Variants in ZNF559 observed in about 807,000 individuals in gnomAD.
The protein encoded by ZNF559 is putative protein product of Nbla00121.
Under a neutral mutation model 14.2 loss-of-function variants are expected in ZNF559, and 17 were observed. That is an observed-to-expected ratio of 1.20 (90% CI 0.82 to 1.80). The LOEUF (loss-of-function observed/expected upper bound fraction) is 1.80. Among genes scored for constraint, ZNF559 ranks in the 40% most tolerant of loss-of-function variants. The pLI is 0.00. For missense variants in ZNF559, 740 were observed against 629.7 expected, an observed-to-expected ratio of 1.18 and a Z score of -1.88; for synonymous variants, 244 against 212.4, an observed-to-expected ratio of 1.15 and a Z score of -1.29.
In ZNF559 at chr19:9,324,694, G is replaced by T. The variant is rs1304539111; in HGVS notation, c.-205-1G>T. Reference sequence around the variant, plus strand: ...CCAGCGTTGTGCCTTTTCTCTATAAGGAACAGCATCTCTGCCTTCCTGTTC... The same window carrying T: ...CCAGCGTTGTGCCTTTTCTCTATAATGAACAGCATCTCTGCCTTCCTGTTC... On this transcript the variant is annotated splice_acceptor_variant, in intron 1 of 6. Coordinates refer to ENST00000603380, the MANE Select transcript of ZNF559 (RefSeq NM_032497.3). LOFTEE classifies it low-confidence loss of function (5UTR_SPLICE). The T allele has an allele frequency of 1.3e-6, 2 of 1,532,918 alleles. No individual in the cohort carries two copies. 95.0% of individuals were successfully genotyped at this position (1,532,918 alleles called of 1,614,324 possible).
intron 1 of ZNF559, 125 bp downstream of exon 1, chr19:9,324,353 C>T (rs2066444337): frequency 5.3e-6 from 8 of 1,514,268 alleles, no homozygotes; most frequent in Middle Eastern, 1.7e-4. Flanking sequence ...GCATTTCGAG[C>T]ATCTTGTGGG....
intron 5 of ZNF559, among the ~76,000 whole-genome samples, chr19:9,340,242 A>G (rs2122237201): frequency 6.6e-6 from 1 of 152,260 alleles, no homozygotes; most frequent in East Asian, 1.9e-4. Context: ...TTTGTGAGAA[A>G]CAGCCCTGAT....
upstream of ZNF559, chr19:9,324,126 G>A (rs1337774135): frequency 2.6e-6 from 4 of 1,528,578 alleles, no homozygotes; most frequent in Middle Eastern, 5.0e-4. Context: ...CCGAGGCCCC[G>A]CCCCCTAGGT....
In ZNF559 at chr19:9,324,713, C is replaced by G. The variant is rs751446437; in HGVS notation, c.-187C>G. 2.0e-6 allele frequency: 3 copies of G among 1,535,492 alleles called. No individual in the cohort carries two copies. Among genetic ancestry groups the G allele is most frequent in the Non-Finnish European group, 8.7e-7 (1 of 1,146,684 alleles). On this transcript the variant is annotated 5_prime_UTR_variant, in exon 2 of 7. Transcript: ENST00000603380. ...CTATAAGGAACAGCATCTCTGCCTTCCTGTTCACGGTGACCTTCGCTTGGT... is the reference window on the plus strand; with the variant it reads ...CTATAAGGAACAGCATCTCTGCCTTGCTGTTCACGGTGACCTTCGCTTGGT...
chr19:9,324,523 C>T (rs1321299513), intron 1 of ZNF559, 172 bp from the exon 2 acceptor site: 3 of 1,271,474 alleles, frequency 2.4e-6, no homozygotes, highest in East Asian at 2.5e-5. Context: ...CCCGGCGCGG[C>T]GGCTCACGCC....
At chr19:9,330,213 T>C (rs934760287) in intron 2 of ZNF559, 1 of 152,252 alleles carries the variant, frequency 6.6e-6, no homozygotes, top group Non-Finnish European at 1.5e-5. Context: ...GATTCCTTTG[T>C]ATGTAGTAAG....
chr19:9,342,800 C>G lies in ZNF559; in HGVS notation c.1349C>G (p.Ser450Trp). ...TGTGGGAAAGCCTTTAGATACTCCT[C>G]GCACCTTAGTCAACATAAAAGAATA... is the stretch of plus-strand genomic sequence containing the variant. ...EECGKAFRYS[S>W]HLSQHKRIHT... The change falls in exon 7 of 7, where the codon TCG becomes TGG. Residue 450 changes from serine (S) to tryptophan (W), a missense_variant. Coordinates refer to ENST00000603380, the MANE Select transcript of ZNF559 (RefSeq NM_032497.3). 6.2e-7 allele frequency: 1 copy of G among 1,614,014 alleles called. No homozygotes were observed.
chr19:9,339,250 C>A lies in ZNF559; in HGVS notation c.91C>A (p.Leu31Met). 1 of 1,613,820 alleles carries A rather than the reference C, an allele frequency of 6.2e-7. No homozygotes were observed. The highest frequency in any genetic ancestry group is 1.3e-5 in the African/African-American group (1 of 74,994). Residue 31 changes from leucine (L) to methionine (M), a missense_variant, in exon 5 of 7, where the codon CTG becomes ATG. Transcript: ENST00000603380. ...VDFTQEEWTL[L>M]DQTQRNLYRD... ...CTTCACCCAGGAGGAGTGGACTTTG[C>A]TGGATCAAACTCAGAGAAACTTATA...
chr19:9,333,778 T>G (rs1272429987), intron 2 of ZNF559, among the ~76,000 whole-genome samples: 1 of 118,890 alleles, frequency 8.4e-6, no homozygotes, highest in Admixed American at 1.1e-4. Context: ...ATATCCAAAA[T>G]ACATTAAGAA....
intron 2 of ZNF559, among the ~76,000 whole-genome samples, chr19:9,336,103 G>A (rs567429151): frequency 1.3e-5 from 2 of 152,232 alleles, no homozygotes; most frequent in East Asian, 1.9e-4. Flanking sequence ...AAAAAGTTGA[G>A]TGTCAACTTT....
At position 9,342,767 on chromosome 19, in the gene ZNF559, G is replaced by A; in HGVS notation, c.1316G>A (p.Cys439Tyr). Reference sequence around the variant, plus strand: ...CACAGTGCAGAAAGGCCTTTTGAATGTGAGGAATGTGGGAAAGCCTTTAGA... The same window carrying A: ...CACAGTGCAGAAAGGCCTTTTGAATATGAGGAATGTGGGAAAGCCTTTAGA... ...RSHSAERPFE[C>Y]EECGKAFRYS... The change falls in exon 7 of 7, where the codon TGT (cysteine) becomes TAT (tyrosine). Residue 439 changes from cysteine (C) to tyrosine (Y), a missense_variant. Transcript: ENST00000603380. 2 of 1,614,202 alleles carry A rather than the reference G, an allele frequency of 1.2e-6. No individual in the cohort carries two copies. The highest frequency in any genetic ancestry group is 1.3e-5 in the African/African-American group (1 of 75,060).
chr19:9,341,290 GT>G, intron 6 of ZNF559, 106 bp downstream of exon 6: 2 of 1,095,956 alleles, frequency 1.8e-6, no homozygotes, highest in Non-Finnish European at 2.8e-6. Context: ...TGAGACTAGT[GT>G]TTTTCACCCA....
In ZNF559 at chr19:9,343,256, G is replaced by A. The variant is rs1376625882; in HGVS notation, c.*188G>A. On this transcript the variant is annotated 3_prime_UTR_variant, in exon 7 of 7. Transcript: ENST00000603380. ...AATGTAAGGAATGTGGGAAAATCTT[G>A]GCTCCTTCCATAGGCCTTACTATTC... is the stretch of plus-strand genomic sequence containing the variant. 6 of 1,409,304 alleles carry A rather than the reference G, an allele frequency of 4.3e-6. No individual in the cohort carries two copies. Among genetic ancestry groups the A allele is most frequent in the Non-Finnish European group, 5.5e-6 (6 of 1,084,448 alleles). The allele number at this position is 1,409,304 out of a possible 1,614,324, so 87.3% of individuals were successfully genotyped here.
At chr19:9,324,141 C>T (rs1243370151), upstream of ZNF559, 5 of 1,535,570 alleles carry the variant, frequency 3.3e-6, no homozygotes, top group East Asian at 2.4e-5. Context: ...CTAGGTGGTC[C>T]TAGCCTTTGC....
rs763226737 is a variant in ZNF559 at position 9,339,238 on chromosome 19, G to A, written c.79G>A (p.Glu27Lys). ...TGTGGCTGTGGACTTCACCCAGGAG[G>A]AGTGGACTTTGCTGGATCAAACTCA... ...EDVAVDFTQE[E>K]WTLLDQTQRN... Residue 27 changes from glutamate to lysine, a missense_variant, in exon 5 of 7, where the codon GAG becomes AAG. Glu to Lys is a moderately conservative substitution (Grantham distance 56). Transcript: ENST00000603380. 1.9e-6 allele frequency: 3 copies of A among 1,614,040 alleles called. No individual in the cohort carries two copies. Among genetic ancestry groups the A allele is most frequent in the African/African-American group, 2.7e-5 (2 of 75,036 alleles).
intron 2 of ZNF559, 39 bp downstream of exon 2, chr19:9,324,819 G>T (rs1270985560): frequency 6.6e-7 from 1 of 1,510,454 alleles, no homozygotes; most frequent in Non-Finnish European, 8.9e-7. Flanking sequence ...GTGGGTGTCG[G>T]GTCTTGAAGT....
intron 2 of ZNF559, among the ~76,000 whole-genome samples, chr19:9,329,914 G>T (rs1046291638): frequency 6.6e-6 from 1 of 152,034 alleles, no homozygotes; most frequent in South Asian, 2.1e-4. Flanking sequence ...TCCCTGTTTC[G>T]GCCTCCCAAA....
In ZNF559 at chr19:9,342,331, G is replaced by A. The variant is rs2067621573; in HGVS notation, c.880G>A (p.Gly294Arg). The A allele has an allele frequency of 2.5e-6, 4 of 1,602,678 alleles. No homozygotes were observed. The African/African-American group carries it at 4.0e-5, about 16-fold the overall frequency. Residue 294 changes from glycine (G) to arginine (R), a missense_variant, in exon 7 of 7, where the codon GGA becomes AGA. Coordinates refer to ENST00000603380, the MANE Select transcript of ZNF559 (RefSeq NM_032497.3). Reference protein sequence around the residue: ...LAKHIRLRTRGKHYVCNECGK... With the variant: ...LAKHIRLRTRRKHYVCNECGK... ...TAAACATATAAGACTTAGAACTAGAGGAAAACACTATGTTTGTAATGAATG... is the reference window on the plus strand; with the variant it reads ...TAAACATATAAGACTTAGAACTAGAAGAAAACACTATGTTTGTAATGAATG...
At chr19:9,337,331 A>G (rs887752203) in intron 2 of ZNF559, among the ~76,000 whole-genome samples, 3 of 152,232 alleles carry the variant, frequency 2.0e-5, no homozygotes, top group Admixed American at 2.0e-4. Flanking sequence ...TAGCTCAACC[A>G]TAGAAAAATA....
Sources: gnomAD v4.1 joint callset for allele counts (sites outside exome capture counted in the v4.1 genomes callset) on GRCh38, gnomAD v4.1.1 for gene constraint, MANE v1.5 for transcripts, NCBI Gene and HGNC (gene_info 2026-07-23, HGNC 2026-07-21) for gene names.